The following ALDH5A1 variants were observed in gnomAD, a reference collection of about 807,000 sequenced individuals.
The protein encoded by ALDH5A1 is succinate-semialdehyde dehydrogenase, mitochondrial.
In ALDH5A1, 33 loss-of-function variants were observed where a neutral mutation model predicts 54.7. The ratio of observed to expected loss-of-function variants is 0.60; its 90% CI spans 0.46 to 0.81. ALDH5A1 has a LOEUF of 0.81. ALDH5A1 is among the 30% of genes least tolerant of loss of function. The pLI is 0.00. For missense variants in ALDH5A1, 657 were observed against 711.0 expected (o/e 0.92, Z 0.86); for synonymous variants, 294 against 292.7 (o/e 1.00, Z -0.05).
chr6:24,532,293 GTT>G, intron 9 of ALDH5A1, 116 bp downstream of exon 9: 3 of 1,034,830 alleles, frequency 2.9e-6, no homozygotes, highest in Non-Finnish European at 4.5e-6. Context: ...TGAGGTATGT[GTT>G]TTGTTGCTTT....
chr6:24,499,054 T>C (rs1163037522), intron 1 of ALDH5A1, among the ~76,000 whole-genome samples: 1 of 140,968 alleles, frequency 7.1e-6, no homozygotes, highest in Non-Finnish European at 1.5e-5. Context: ...TGAGCCGAGA[T>C]CATGCCAACT....
At position 24,502,510 on chromosome 6, in the gene ALDH5A1, A is replaced by C; in HGVS notation, c.355-13A>C. ...CATTTTATTACTTTTCTGCCTTGTT[A>C]TTTCTTTTGCAGGAGAGGAGTTCAT... On this transcript the variant is annotated splice_polypyrimidine_tract_variant and intron_variant, in intron 1 of 9. Coordinates refer to ENST00000357578, the MANE Select transcript of ALDH5A1 (RefSeq NM_001080.3). 1.3e-6 allele frequency: 2 copies of C among 1,592,926 alleles called. No homozygotes were observed. The highest frequency in any genetic ancestry group is 1.7e-6 in the Non-Finnish European group (2 of 1,160,862).
chr6:24,526,996 A>C (rs1452313189), intron 7 of ALDH5A1, among the ~76,000 whole-genome samples: 6 of 120,294 alleles, frequency 5.0e-5, no homozygotes, highest in African/African-American at 1.7e-4. Flanking sequence ...ATATATATAT[A>C]TATATATATA....
chr6:24,532,421 T>C (rs926784502), intron 9 of ALDH5A1, among the ~76,000 whole-genome samples: 2 of 152,222 alleles, frequency 1.3e-5, no homozygotes, highest in African/African-American at 2.4e-5. Context: ...AGGTGCACAT[T>C]ATTCTACTTT....
Position 24,536,834 on chromosome 6 carries a change from AAGAG to A in ALDH5A1, c.*3126_*3129del, listed in dbSNP as rs1355868485. On this transcript the variant is annotated 3_prime_UTR_variant, in exon 10 of 10. Coordinates refer to ENST00000357578, the MANE Select transcript of ALDH5A1 (RefSeq NM_001080.3). ...GAAGTGCCATTTCTTTATTCTACTA[AAGAG>A]AGACAGCAGAAATAAAGATCAGAAG... The A allele has an allele frequency of 6.6e-6, 1 of 152,644 alleles. No individual in the cohort carries two copies. Among genetic ancestry groups the A allele is most frequent in the Non-Finnish European group, 1.5e-5 (1 of 68,038 alleles). The allele number at this position is 152,644 out of a possible 1,614,324, so 9.5% of individuals were successfully genotyped here.
chr6:24,526,974 G>GTATA (rs58873176), intron 7 of ALDH5A1, among the ~76,000 whole-genome samples: 1,008 of 30,432 alleles, frequency 0.033, 15 homozygotes, highest in South Asian at 0.1. Flanking sequence ...ATGTGTGTGT[G>GTATA]TATATATATA....
chr6:24,521,437 G>C (rs1184037837), intron 6 of ALDH5A1, among the ~76,000 whole-genome samples: 1 of 152,240 alleles, frequency 6.6e-6, no homozygotes, highest in African/African-American at 2.4e-5. Flanking sequence ...GCTGCTGCCA[G>C]GGTCCTGCCT....
chr6:24,502,901 GT>G (rs4646836), intron 2 of ALDH5A1, among the ~76,000 whole-genome samples: 56 of 140,762 alleles, frequency 4.0e-4, no homozygotes, highest in African/African-American at 7.0e-4. Context: ...TGTTTTGGTT[GT>G]TTTTTTTTTT....
At chr6:24,513,261 C>T (rs1759496501) in intron 4 of ALDH5A1, among the ~76,000 whole-genome samples, 2 of 151,934 alleles carry the variant, frequency 1.3e-5, no homozygotes, top group Non-Finnish European at 2.9e-5. Context: ...GATAGGGTCT[C>T]ACTATGTTGC....
Position 24,518,145 on chromosome 6 carries a change from G to A in ALDH5A1, c.871-2256G>A, listed in dbSNP as rs532292892. 1.2e-4 allele frequency among the ~76,000 whole-genome samples: 19 copies of A among 152,332 alleles called. No individual in the cohort carries two copies. Among genetic ancestry groups the A allele is most frequent in the African/African-American group, 4.6e-4 (19 of 41,582 alleles). ...CCCCTCTCCTTCACTAGAGAAGAGA[G>A]AGAGCTGTTTTGCTTTCTGTTTCTT... On this transcript the variant is annotated intron_variant, in intron 5 of 9. Coordinates refer to ENST00000357578, the MANE Select transcript of ALDH5A1 (RefSeq NM_001080.3). The surrounding 1 kb of genome is among the most constrained non-coding windows in gnomAD (Gnocchi z 4.2).
rs371548862 is a variant in ALDH5A1, at chr6:24,495,164, G to C, written c.168G>C (p.Ala56=). The change falls in exon 1 of 10, where the codon GCG becomes GCC. Residue 56 remains alanine (A), a synonymous_variant. Transcript: ENST00000357578. ...CYAGRLAGLS[A]ALLRTDSFVG... ...CTGGGCGCCTGGCGGGCCTCTCTGCGGCGCTGCTGCGCACCGACAGCTTCG... is the reference window on the plus strand; with the variant it reads ...CTGGGCGCCTGGCGGGCCTCTCTGCCGCGCTGCTGCGCACCGACAGCTTCG... 2.7e-6 allele frequency: 4 copies of C among 1,464,112 alleles called. No individual in the cohort carries two copies. The highest frequency in any genetic ancestry group is 1.3e-5 in the South Asian group (1 of 75,808). The allele number at this position is 1,464,112 out of a possible 1,614,324, so 90.7% of individuals were successfully genotyped here.
rs186053459 is a variant in ALDH5A1 at position 24,509,948 on chromosome 6, A to T, written c.726+4963A>T. On this transcript the variant is annotated intron_variant, in intron 4 of 9. Transcript: ENST00000357578. This position sits in a 1 kb window ranked among gnomAD's most constrained non-coding sequence, Gnocchi z 4.7. The stretch of plus-strand genomic sequence containing the variant: ...TTTGATGTAAGCATTTAGGGCCATG[A>T]ACTTGGCTCTTGGCACCACCTTTGC... Among the ~76,000 whole-genome samples, 113 of 152,220 alleles carry T rather than the reference A, an allele frequency of 7.4e-4. No individual in the cohort carries two copies. The highest frequency in any genetic ancestry group is 2.6e-3 in the African/African-American group (110 of 41,550).
At chr6:24,523,686 G>C (rs1357722637) in intron 7 of ALDH5A1, among the ~76,000 whole-genome samples, 1 of 152,182 alleles carries the variant, frequency 6.6e-6, no homozygotes, top group Non-Finnish European at 1.5e-5. Context: ...GAGATGGTTT[G>C]CGTTTCGGCT....
intron 8 of ALDH5A1, among the ~76,000 whole-genome samples, chr6:24,528,591 T>G (rs553267052): frequency 6.6e-6 from 1 of 152,216 alleles, no homozygotes; most frequent in African/African-American, 2.4e-5. Context: ...CTCGAACTCC[T>G]GACCTCAGGT....
rs763368030 is a variant in ALDH5A1 at position 24,520,437 on chromosome 6, G to T, written c.907G>T (p.Val303Phe). ...LHHAANSVKRVSMELGGLAPF... is the reference protein window; with the variant it reads ...LHHAANSVKRFSMELGGLAPF... ...CCACGCAGCAAACTCTGTGAAAAGG[G>T]TCTCTATGGAGCTGGGCGGCCTTGC... The change falls in exon 6 of 10, where the codon GTC (valine) becomes TTC (phenylalanine). Residue 303 changes from valine to phenylalanine, a missense_variant. Coordinates refer to ENST00000357578, the MANE Select transcript of ALDH5A1 (RefSeq NM_001080.3). The T allele has an allele frequency of 6.2e-7, 1 of 1,614,158 alleles. No individual in the cohort carries two copies. Among genetic ancestry groups the T allele is most frequent in the South Asian group, 1.1e-5 (1 of 91,088 alleles).
rs1759613232 is a variant in ALDH5A1, at chr6:24,518,392, T to C, written c.871-2009T>C. ...CCTTCCTGGAGAAGCAGAGACTGAGTGGGGAGAGGACACTGTCAGAGGACA... is the reference window on the plus strand; with the variant it reads ...CCTTCCTGGAGAAGCAGAGACTGAGCGGGGAGAGGACACTGTCAGAGGACA... On this transcript the variant is annotated intron_variant, in intron 5 of 9. Transcript: ENST00000357578. This position sits in a 1 kb window ranked among gnomAD's most constrained non-coding sequence, Gnocchi z 4.2. Among the ~76,000 whole-genome samples, 1 of 151,326 alleles carries C rather than the reference T, an allele frequency of 6.6e-6. No individual in the cohort carries two copies. The highest frequency in any genetic ancestry group is 1.5e-5 in the Non-Finnish European group (1 of 67,816).
At chr6:24,532,214 A>G in intron 9 of ALDH5A1, 37 bp downstream of exon 9, 1 of 1,602,434 alleles carries the variant, frequency 6.2e-7, no homozygotes, top group Admixed American at 1.7e-5. Context: ...AGTCATAATC[A>G]TTTTTCTCCA....
chr6:24,533,870 C>A lies in ALDH5A1; in HGVS notation c.*158C>A. ...TCTTAAACAGATGCAAATCCTACCC[C>A]TGCCCTTAATGTAACTAGGGACCAA... On this transcript the variant is annotated 3_prime_UTR_variant, in exon 10 of 10. Transcript: ENST00000357578. The A allele has an allele frequency of 1.4e-6, 1 of 730,278 alleles. No individual in the cohort carries two copies. The allele number at this position is 730,278 out of a possible 1,614,324, so 45.2% of individuals were successfully genotyped here. A position where few individuals can be genotyped will look rare whatever the true frequency, so the allele number is the denominator to read the frequency against.
At chr6:24,497,598 C>T (rs1764739996) in intron 1 of ALDH5A1, among the ~76,000 whole-genome samples, 1 of 148,652 alleles carries the variant, frequency 6.7e-6, no homozygotes, top group Admixed American at 6.6e-5. Flanking sequence ...CCCACTCGAC[C>T]CAGGAAGTCC....
Sources: allele counts gnomAD v4.1 joint callset (sites outside exome capture counted in the v4.1 genomes callset), GRCh38; gene constraint gnomAD v4.1.1; non-coding constraint Gnocchi (gnomAD v3.1); transcripts MANE v1.5; gene names NCBI Gene and HGNC (gene_info 2026-07-23, HGNC 2026-07-21).